The following FAM228A variants were observed in gnomAD, a reference collection of about 807,000 sequenced individuals.
FAM228A encodes family with sequence similarity 228 member A.
Under a neutral mutation model 18.6 loss-of-function variants are expected in FAM228A, and 13 were observed. That is an observed-to-expected ratio of 0.70 (90% CI 0.45 to 1.11). The LOEUF (loss-of-function observed/expected upper bound fraction) is 1.11. Ranked by LOEUF, FAM228A falls within the 50% of genes least tolerant of loss-of-function variation. The probability of loss-of-function intolerance (pLI) is 0.00; values close to 1 mark genes in which losing one functional copy is unlikely to be tolerated. For synonymous variants in FAM228A, 77 were observed against 86.6 expected, an observed-to-expected ratio of 0.89 and a Z score of 0.61; for missense variants, 240 against 242.2, an observed-to-expected ratio of 0.99 and a Z score of 0.06.
At chr2:24,187,940 T>A (rs1224217104) in intron 5 of FAM228A, among the ~76,000 whole-genome samples, 2 of 152,170 alleles carry the variant, frequency 1.3e-5, no homozygotes, top group Non-Finnish European at 2.9e-5. Context: ...TTTTTATTTA[T>A]CCTACTTGGA....
intron 5 of FAM228A, among the ~76,000 whole-genome samples, chr2:24,185,724 G>A (rs1055827799): frequency 6.6e-6 from 1 of 150,900 alleles, no homozygotes; most frequent in Admixed American, 6.6e-5. Context: ...GGTTCTACAG[G>A]CATCTACTGG....
chr2:24,186,761 C>T (rs1354184477), intron 5 of FAM228A, among the ~76,000 whole-genome samples: 1 of 152,076 alleles, frequency 6.6e-6, no homozygotes, highest in African/African-American at 2.4e-5. Flanking sequence ...GCCTCAGCCT[C>T]CTGAGTAGCT....
At chr2:24,185,122 CTGCTTTTATAGTTT>C (rs1667917158) in intron 5 of FAM228A, among the ~76,000 whole-genome samples, 1 of 152,262 alleles carries the variant, frequency 6.6e-6, no homozygotes, top group East Asian at 1.9e-4. Context: ...CGTGCCTGGC[CTGCTTTTATAGTTT>C]TGCTTTTCAA....
chr2:24,188,428 A>T (rs1668005207), intron 5 of FAM228A: 1 of 984,854 alleles, frequency 1.0e-6, no homozygotes, highest in Non-Finnish European at 1.2e-6. Context: ...ATTCTTTTTC[A>T]AATAGGTTTT....
At chr2:24,184,066 TA>T (rs575504510) in intron 5 of FAM228A, among the ~76,000 whole-genome samples, 19 of 152,294 alleles carry the variant, frequency 1.2e-4, no homozygotes, top group Admixed American at 2.0e-4. Context: ...ACTGACTCTT[TA>T]AAAAACATCT....
chr2:24,187,506 A>AATGACAT (rs1366819659), intron 5 of FAM228A, among the ~76,000 whole-genome samples: 5 of 152,228 alleles, frequency 3.3e-5, no homozygotes, highest in African/African-American at 1.2e-4. Flanking sequence ...ACAAATGTAC[A>AATGACAT]ATGACATGTA....
chr2:24,191,435 G>C lies in FAM228A; in HGVS notation c.*804G>C. 2.0e-6 allele frequency: 2 copies of C among 985,420 alleles called. No homozygotes were observed. Among genetic ancestry groups the C allele is most frequent in the Non-Finnish European group, 2.4e-6 (2 of 829,918 alleles). 61.0% of individuals were successfully genotyped at this position (985,420 alleles called of 1,614,324 possible). On this transcript the variant is annotated 3_prime_UTR_variant, in exon 6 of 6. Transcript: ENST00000295150. ...AGGGAGTAAGGGATTCTCCGTCTGT[G>C]GTAAGTTACCTGTGACTCTTCAGCA...
chr2:24,190,940 T>C lies in FAM228A; in HGVS notation c.*309T>C, dbSNP rs1668070098. On this transcript the variant is annotated 3_prime_UTR_variant, in exon 6 of 6. Transcript: ENST00000295150. Reference sequence around the variant, plus strand: ...CCCGGGCCTTTGCCCTTCTGCCACTTTCCTACCATTTTCCACTTACTCCAT... The same window carrying C: ...CCCGGGCCTTTGCCCTTCTGCCACTCTCCTACCATTTTCCACTTACTCCAT... 3 of 1,084,604 alleles carry C rather than the reference T, an allele frequency of 2.8e-6. No homozygotes were observed. Among genetic ancestry groups the C allele is most frequent in the African/African-American group, 3.3e-5 (2 of 60,914 alleles). The allele number at this position is 1,084,604 out of a possible 1,614,324, so 67.2% of individuals were successfully genotyped here.
intron 3 of FAM228A, chr2:24,179,028 A>AT: frequency 8.5e-4 from 438 of 514,178 alleles, no homozygotes; most frequent in Middle Eastern, 1.9e-3. Flanking sequence ...GAGAGAACAA[A>AT]TTTTTTTTTC....
chr2:24,175,558 C>A lies in FAM228A; in HGVS notation c.78C>A (p.Ser26=). Reference sequence around the variant, plus strand: ...TAAGAGAATGGCCGGAGCCCGAGTCCGTTTCTTTAATGGAGGTGAGATAAC... The same window carrying A: ...TAAGAGAATGGCCGGAGCCCGAGTCAGTTTCTTTAATGGAGGTGAGATAAC... The part of the protein sequence containing the change: ...EKLREWPEPE[S]VSLMEVLARE... The change falls in exon 2 of 6, where the codon TCC becomes TCA. Residue 26 remains serine (S), a synonymous_variant. Coordinates refer to ENST00000295150, the MANE Select transcript of FAM228A (RefSeq NM_001040710.3). The A allele has an allele frequency of 6.2e-7, 1 of 1,613,836 alleles. No homozygotes were observed. The highest frequency in any genetic ancestry group is 8.5e-7 in the Non-Finnish European group (1 of 1,179,680).
In FAM228A at chr2:24,183,199, A is replaced by G. The variant is rs1667856100; in HGVS notation, c.163-86A>G. ...CCCACTCTTGTAGTCCTCAGGGTCT[A>G]TTGTTCCCATCTTTATGTGGGACAC... On this transcript the variant is annotated intron_variant, in intron 3 of 5. Transcript: ENST00000295150. 5 of 994,216 alleles carry G rather than the reference A, an allele frequency of 5.0e-6. No homozygotes were observed. In the African/African-American group the frequency reaches 6.4e-5, roughly 13 times the overall value. The allele number at this position is 994,216 out of a possible 1,614,324, so 61.6% of individuals were successfully genotyped here.
At chr2:24,186,437 A>G (rs1023155988) in intron 5 of FAM228A, among the ~76,000 whole-genome samples, 1 of 152,168 alleles carries the variant, frequency 6.6e-6, no homozygotes, top group African/African-American at 2.4e-5. Context: ...GCTTCATTGT[A>G]TTCTTCTTAA....
At chr2:24,175,421 A>G (rs1204699380) in intron 1 of FAM228A, 46 bp from the exon 2 acceptor site, 1 of 1,417,530 alleles carries the variant, frequency 7.1e-7, no homozygotes, top group East Asian at 2.3e-5. Flanking sequence ...CTGGCTCTCA[A>G]CGGTAACCGT....
intron 5 of FAM228A, among the ~76,000 whole-genome samples, chr2:24,189,933 C>A (rs1215960551): frequency 1.3e-5 from 2 of 152,036 alleles, no homozygotes; most frequent in African/African-American, 2.4e-5. Flanking sequence ...GAGGCTGGAG[C>A]CAGGCGCTCG....
Position 24,175,520 on chromosome 2 carries a change from A to G in FAM228A, c.40A>G (p.Arg14Gly). The G allele has an allele frequency of 6.2e-7, 1 of 1,614,210 alleles. No individual in the cohort carries two copies. Among genetic ancestry groups the G allele is most frequent in the East Asian group, 2.2e-5 (1 of 44,882 alleles). ...AACTGCGAGTTATGATGAACATTTC[A>G]GGCCAGAAAAGTTAAGAGAATGGCC... is the stretch of plus-strand genomic sequence containing the variant. ...TKTASYDEHF[R>G]PEKLREWPEP... The change falls in exon 2 of 6, where the codon AGG becomes GGG. Residue 14 changes from arginine to glycine, a missense_variant. Transcript: ENST00000295150.
At chr2:24,179,945 T>C (rs1330117053) in intron 3 of FAM228A, among the ~76,000 whole-genome samples, 1 of 152,216 alleles carries the variant, frequency 6.6e-6, no homozygotes. Flanking sequence ...ATTGCATGGC[T>C]GACTTAGCCA....
chr2:24,182,771 T>C (rs1667845654), intron 3 of FAM228A, among the ~76,000 whole-genome samples: 1 of 152,122 alleles, frequency 6.6e-6, no homozygotes, highest in African/African-American at 2.4e-5. Context: ...CTAGCCTGGA[T>C]GTGGCACACA....
chr2:24,190,885 T>A lies in FAM228A; in HGVS notation c.*254T>A. ...GAGGGCCAACCTGGCCACAGGGGCT[T>A]TTCCCCCTGAGATTTCTTCAGCGCC... On this transcript the variant is annotated 3_prime_UTR_variant, in exon 6 of 6. Transcript: ENST00000295150. 1 of 1,191,246 alleles carries A rather than the reference T, an allele frequency of 8.4e-7. No individual in the cohort carries two copies. Among genetic ancestry groups the A allele is most frequent in the Non-Finnish European group, 1.0e-6 (1 of 960,268 alleles). The allele number at this position is 1,191,246 out of a possible 1,614,324, so 73.8% of individuals were successfully genotyped here.
rs998297047 is a variant in FAM228A, at chr2:24,179,189, A to T, written c.162+1319A>T. 4.3e-6 allele frequency: 5 copies of T among 1,155,038 alleles called. No homozygotes were observed. In the African/African-American group the frequency reaches 8.3e-5, roughly 19 times the overall value. The allele number at this position is 1,155,038 out of a possible 1,614,324, so 71.5% of individuals were successfully genotyped here. A position where few individuals can be genotyped will look rare whatever the true frequency, so the allele number is the denominator to read the frequency against. On this transcript the variant is annotated intron_variant, in intron 3 of 5. Transcript: ENST00000295150. ...GATGTTACATAAAAAATGGGTTGAA[A>T]ATGTTGCAGAGCCTCTTCAGCAGAG... is the stretch of plus-strand genomic sequence containing the variant.
Sources: gnomAD v4.1 joint callset for allele counts (sites outside exome capture counted in the v4.1 genomes callset) on GRCh38, gnomAD v4.1.1 for gene constraint, MANE v1.5 for transcripts, NCBI Gene and HGNC (gene_info 2026-07-23, HGNC 2026-07-21) for gene names.